HPSE2: variants seen among roughly 807,000 people sequenced by gnomAD.
HPSE2 encodes heparanase 2 (inactive), also known as inactive heparanase-2.
In HPSE2, 38 loss-of-function variants were observed where a neutral mutation model predicts 60.5. The observed-to-expected ratio is 0.63, with a 90% CI of 0.48 to 0.82. The LOEUF (loss-of-function observed/expected upper bound fraction) is 0.82, where lower values mean the gene tolerates loss of function less well. Among genes scored for constraint, HPSE2 ranks in the 40% least tolerant of loss-of-function variants. HPSE2 has a pLI of 0.00. For synonymous variants in HPSE2, 295 were observed against 293.2 expected, an observed-to-expected ratio of 1.01 and a Z score of -0.06; for missense variants, 713 against 740.4, an observed-to-expected ratio of 0.96 and a Z score of 0.43.
chr10:98,633,509 A>G (rs1946419295), intron 7 of HPSE2, among the ~76,000 whole-genome samples: 1 of 152,286 alleles, frequency 6.6e-6, no homozygotes, highest in Admixed American at 6.5e-5. Context: ...TGCCACGCCC[A>G]GCCCATGATT....
At chr10:98,652,426 C>A (rs1946943055) in intron 6 of HPSE2, among the ~76,000 whole-genome samples, 1 of 152,214 alleles carries the variant, frequency 6.6e-6, no homozygotes, top group African/African-American at 2.4e-5. Flanking sequence ...TTTCAGCCAT[C>A]TGCTTTTTTC....
At chr10:99,212,209 C>T (rs767325792) in intron 2 of HPSE2, among the ~76,000 whole-genome samples, 7 of 151,938 alleles carry the variant, frequency 4.6e-5, no homozygotes, top group Non-Finnish European at 1.0e-4. Flanking sequence ...GAAAAGGAAA[C>T]CCTTGCATAC....
the HPSE2 span, among the ~76,000 whole-genome samples, chr10:99,296,895 G>A: frequency 4.6e-5 from 7 of 152,164 alleles, no homozygotes; most frequent in African/African-American, 1.7e-4. Flanking sequence ...GTAATCATCT[G>A]GACAGCAGTT....
At chr10:99,025,304 A>T (rs1300325145) in intron 3 of HPSE2, among the ~76,000 whole-genome samples, 1 of 152,154 alleles carries the variant, frequency 6.6e-6, no homozygotes, top group East Asian at 1.9e-4. Flanking sequence ...TTCCTCAAAG[A>T]GCTAAAAGCA....
the HPSE2 span, among the ~76,000 whole-genome samples, chr10:99,262,841 G>T: frequency 2.0e-5 from 3 of 152,034 alleles, no homozygotes; most frequent in Admixed American, 6.6e-5. Context: ...GATAAACCTA[G>T]CTGACCCCAT....
intron 9 of HPSE2, among the ~76,000 whole-genome samples, chr10:98,559,469 C>T (rs778997809): frequency 7.9e-5 from 12 of 152,176 alleles, no homozygotes; most frequent in Non-Finnish European, 1.6e-4. Context: ...GCACACTCTC[C>T]AGTCATCTTA....
rs568503550 is a variant in HPSE2 at position 99,020,278 on chromosome 10, A to G, written c.610+123960T>C. On this transcript the variant is annotated intron_variant, in intron 3 of 11. Transcript: ENST00000370552. Reference sequence around the variant, plus strand: ...AATAGGTAATTATTGAAATAAATATATAATTCATAAACTACTTATAATTAT... The same window carrying G: ...AATAGGTAATTATTGAAATAAATATGTAATTCATAAACTACTTATAATTAT... Among the ~76,000 whole-genome samples the G allele has an allele frequency of 4.6e-5, 7 of 152,306 alleles. No homozygotes were observed. The South Asian group carries it at 1.4e-3, about 32-fold the overall frequency.
chr10:98,518,578 G>A (rs576381697), intron 9 of HPSE2, among the ~76,000 whole-genome samples: 4 of 152,084 alleles, frequency 2.6e-5, no homozygotes, highest in East Asian at 1.9e-4. Flanking sequence ...CGTGGTGTGC[G>A]TGTCTGTAAT....
chr10:98,816,329 G>A (rs1348933353), intron 3 of HPSE2, among the ~76,000 whole-genome samples: 13 of 152,244 alleles, frequency 8.5e-5, no homozygotes, highest in Non-Finnish European at 7.4e-5. Flanking sequence ...TGGGAGCTGA[G>A]CTTCCAGTTC....
At chr10:98,754,068 C>T (rs1327089132) in intron 3 of HPSE2, among the ~76,000 whole-genome samples, 1 of 152,026 alleles carries the variant, frequency 6.6e-6, no homozygotes, top group African/African-American at 2.4e-5. Flanking sequence ...CACTGAGATT[C>T]AGGAGAAAGT....
At chr10:98,707,828 C>A (rs903344147) in intron 5 of HPSE2, among the ~76,000 whole-genome samples, 1 of 152,040 alleles carries the variant, frequency 6.6e-6, no homozygotes, top group African/African-American at 2.4e-5. Flanking sequence ...TCAAGCTTTA[C>A]AAAACCATTC....
At chr10:99,291,906 G>T in the HPSE2 span, among the ~76,000 whole-genome samples, 3 of 152,152 alleles carry the variant, frequency 2.0e-5, no homozygotes, top group Non-Finnish European at 2.9e-5. Context: ...TCACACTGTA[G>T]TGAGCCCCAC....
Position 98,728,444 on chromosome 10 carries a change from C to T in HPSE2, c.785-6616G>A, listed in dbSNP as rs947769713. Among the ~76,000 whole-genome samples, 4 of 151,890 alleles carry T rather than the reference C, an allele frequency of 2.6e-5. No individual in the cohort carries two copies. The East Asian group carries it at 7.7e-4, about 29-fold the overall frequency. Reference sequence around the variant, plus strand: ...ACCAGCCTGGCCAACATGGTGAAACCCTGTCTCTACTAAAAATACAAAAAT... The same window carrying T: ...ACCAGCCTGGCCAACATGGTGAAACTCTGTCTCTACTAAAAATACAAAAAT... On this transcript the variant is annotated intron_variant, in intron 4 of 11. Transcript: ENST00000370552.
At chr10:99,229,297 T>C (rs1474655977) in intron 2 of HPSE2, among the ~76,000 whole-genome samples, 1 of 152,184 alleles carries the variant, frequency 6.6e-6, no homozygotes, top group African/African-American at 2.4e-5. Context: ...AAGCCACCTT[T>C]GGTTCTCAAC....
At chr10:99,121,552 G>T (rs1472959931) in intron 3 of HPSE2, among the ~76,000 whole-genome samples, 1 of 149,148 alleles carries the variant, frequency 6.7e-6, no homozygotes, top group Non-Finnish European at 1.5e-5. Flanking sequence ...AATAAAGAAT[G>T]TAAAAAGACA....
intron 3 of HPSE2, among the ~76,000 whole-genome samples, chr10:98,983,672 C>A (rs769149151): frequency 6.6e-6 from 1 of 152,168 alleles, no homozygotes; most frequent in Non-Finnish European, 1.5e-5. Flanking sequence ...CAAACTTCGG[C>A]GTGAGCCAAA....
intron 7 of HPSE2, 47 bp from the exon 8 acceptor site, chr10:98,620,755 T>C: frequency 8.2e-7 from 1 of 1,223,372 alleles, no homozygotes; most frequent in South Asian, 1.2e-5. Context: ...TTTTAAAAGC[T>C]ATTCCCACAT....
At chr10:98,610,016 T>C (rs1296223938) in intron 9 of HPSE2, among the ~76,000 whole-genome samples, 2 of 152,024 alleles carry the variant, frequency 1.3e-5, no homozygotes, top group Non-Finnish European at 2.9e-5. Context: ...TAGTTTTTTG[T>C]ATTTTTACTA....
intron 3 of HPSE2, among the ~76,000 whole-genome samples, chr10:99,028,039 G>A (rs2135443107): frequency 6.6e-6 from 1 of 152,244 alleles, no homozygotes; most frequent in South Asian, 2.1e-4. Context: ...CCCACAGCTA[G>A]TATCATACTG....
Sources: allele counts gnomAD v4.1 joint callset (sites outside exome capture counted in the v4.1 genomes callset), GRCh38; gene constraint gnomAD v4.1.1; transcripts MANE v1.5; gene names NCBI Gene and HGNC (gene_info 2026-07-23, HGNC 2026-07-21).